The following VGLL4 variants were observed in gnomAD, a reference collection of about 807,000 sequenced individuals.
The protein encoded by VGLL4 is vestigial like family member 4.
Under a neutral mutation model 21.0 loss-of-function variants are expected in VGLL4, and 7 were observed. The ratio of observed to expected loss-of-function variants is 0.33; its 90% CI spans 0.19 to 0.63. The LOEUF (loss-of-function observed/expected upper bound fraction) is 0.63, where lower values mean the gene tolerates loss of function less well. Ranked by LOEUF, VGLL4 falls within the 20% of genes least tolerant of loss-of-function variation. VGLL4 has a pLI of 0.78. For synonymous variants in VGLL4, 222 were observed against 173.2 expected (o/e 1.28, Z -2.21); for missense variants, 394 against 425.7 (o/e 0.93, Z 0.66).
chr3:11,634,817 G>A (rs1025903168), intron 1 of VGLL4, among the ~76,000 whole-genome samples: 4 of 151,830 alleles, frequency 2.6e-5, no homozygotes, highest in African/African-American at 7.3e-5. Context: ...ATCTGGGATC[G>A]CGCACCAGCA....
At chr3:11,659,326 C>CTTTTTTTTTTTTTTTTTTTTTTTTTT (rs5846714) in intron 2 of VGLL4, among the ~76,000 whole-genome samples, 1 of 70,824 alleles carries the variant, frequency 1.4e-5, no homozygotes, top group Non-Finnish European at 2.6e-5. Context: ...TTTTCTTTTT[C>CTTTTTTTTTTTTTTTTTTTTTTTTTT]TTTTTTTTTT....
chr3:11,623,221 C>T (rs1007857878), intron 1 of VGLL4, among the ~76,000 whole-genome samples: 2 of 152,132 alleles, frequency 1.3e-5, no homozygotes, highest in Non-Finnish European at 2.9e-5. Context: ...CTGGAAGGAA[C>T]AGAAGGAAGA....
At chr3:11,592,759 C>T (rs1417552573) in intron 2 of VGLL4, among the ~76,000 whole-genome samples, 1 of 152,084 alleles carries the variant, frequency 6.6e-6, no homozygotes, top group African/African-American at 2.4e-5. Context: ...GTGTGTGACC[C>T]TGAACAAGTT....
intron 3 of VGLL4, among the ~76,000 whole-genome samples, chr3:11,563,641 G>A (rs916871590): frequency 6.6e-6 from 1 of 152,172 alleles, no homozygotes; most frequent in Non-Finnish European, 1.5e-5. Context: ...CTTGGCCTCG[G>A]GTTCCATCAG....
chr3:11,577,305 A>G (rs934226467), intron 2 of VGLL4, among the ~76,000 whole-genome samples: 5 of 152,212 alleles, frequency 3.3e-5, no homozygotes, highest in African/African-American at 1.2e-4. Context: ...AAATATTATA[A>G]AACTGTTTAG....
At chr3:11,635,526 T>C (rs531789909) in intron 1 of VGLL4, among the ~76,000 whole-genome samples, 1 of 152,292 alleles carries the variant, frequency 6.6e-6, no homozygotes, top group African/African-American at 2.4e-5. Flanking sequence ...CACAAGAAGG[T>C]CCTCTCCCAC....
At chr3:11,612,997 TG>T (rs2075091475) in intron 1 of VGLL4, among the ~76,000 whole-genome samples, 1 of 151,874 alleles carries the variant, frequency 6.6e-6, no homozygotes, top group South Asian at 2.1e-4. Context: ...GGCACTTTGC[TG>T]GGGGCTCAAT....
At chr3:11,573,121 G>C (rs1295385269) in intron 2 of VGLL4, among the ~76,000 whole-genome samples, 1 of 151,576 alleles carries the variant, frequency 6.6e-6, no homozygotes, top group Non-Finnish European at 1.5e-5. Flanking sequence ...AGCCAAGATC[G>C]AGCCATTGCA....
chr3:11,624,045 T>C (rs567945915), intron 1 of VGLL4, among the ~76,000 whole-genome samples: 1 of 152,228 alleles, frequency 6.6e-6, no homozygotes, highest in African/African-American at 2.4e-5. Context: ...CCGGGGCAAA[T>C]TTTCCTTATT....
chr3:11,614,845 C>A (rs2075131660), intron 1 of VGLL4, among the ~76,000 whole-genome samples: 1 of 152,202 alleles, frequency 6.6e-6, no homozygotes, highest in Non-Finnish European at 1.5e-5. Flanking sequence ...TTCAGTCAAC[C>A]TTACTGCTGA....
At chr3:11,703,027 G>A (rs376550793) in exon 2 of VGLL4, 12 of 1,611,768 alleles carry the variant, frequency 7.4e-6, no homozygotes, top group East Asian at 2.2e-5. Flanking sequence ...ATCCAATGGC[G>A]TCTCCATTCC....
intron 2 of VGLL4, among the ~76,000 whole-genome samples, chr3:11,594,889 C>T (rs1336815034): frequency 6.6e-6 from 1 of 152,182 alleles, no homozygotes; most frequent in African/African-American, 2.4e-5. Flanking sequence ...CGGCCAGGCA[C>T]GGTGGCTCAC....
chr3:11,571,509 C>G (rs936381852), intron 2 of VGLL4, among the ~76,000 whole-genome samples: 1 of 152,016 alleles, frequency 6.6e-6, no homozygotes, highest in African/African-American at 2.4e-5. Context: ...CATGGCAAAA[C>G]CCCGTCTCTA....
chr3:11,587,517 A>G (rs1409190471), intron 2 of VGLL4, among the ~76,000 whole-genome samples: 1 of 152,232 alleles, frequency 6.6e-6, no homozygotes, highest in Non-Finnish European at 1.5e-5. Flanking sequence ...ACAAAAATAA[A>G]ATAAACGCAA....
intron 2 of VGLL4, among the ~76,000 whole-genome samples, chr3:11,668,000 C>T (rs1275070516): frequency 1.3e-5 from 2 of 151,668 alleles, no homozygotes; most frequent in East Asian, 1.9e-4. Context: ...ATTACAGGCA[C>T]ACACCACCAC....
At position 11,715,004 on chromosome 3, in the gene VGLL4, G is replaced by A. The variant is rs376772466; in HGVS notation, c.-14+5390C>T. 1.8e-3 allele frequency among the ~76,000 whole-genome samples: 278 copies of A among 152,104 alleles called. 4 individuals are homozygous for A. The highest frequency in any genetic ancestry group is 6.4e-3 in the African/African-American group (264 of 41,524). The stretch of plus-strand genomic sequence containing the variant: ...CAAAAAATTAGCCAGGCACGGTGGC[G>A]GGCGCCTGTAGTCCCAGCTACTCGA... On this transcript the variant is annotated intron_variant, in intron 1 of 5. Transcript: ENST00000273038.
intron 1 of VGLL4, among the ~76,000 whole-genome samples, chr3:11,717,395 G>A (rs1015343758): frequency 3.3e-5 from 5 of 150,312 alleles, no homozygotes; most frequent in South Asian, 4.2e-4. Flanking sequence ...GAAGAGACAC[G>A]AAATAAACTC....
intron 1 of VGLL4, among the ~76,000 whole-genome samples, chr3:11,713,568 T>TA (rs2076878606): frequency 5.0e-5 from 7 of 140,294 alleles, no homozygotes; most frequent in South Asian, 2.3e-4. Flanking sequence ...TATATATTAT[T>TA]TATATATATA....
intron 2 of VGLL4, among the ~76,000 whole-genome samples, chr3:11,598,151 G>A (rs2074692688): frequency 6.6e-6 from 1 of 152,100 alleles, no homozygotes. Flanking sequence ...AGCCTCCTGA[G>A]TAGCTGGGAC....
Sources: gnomAD v4.1 joint callset for allele counts (sites outside exome capture counted in the v4.1 genomes callset) on GRCh38, gnomAD v4.1.1 for gene constraint, MANE v1.5 for transcripts, NCBI Gene and HGNC (gene_info 2026-07-23, HGNC 2026-07-21) for gene names.